Variants in PPP2CA observed in about 807,000 individuals in gnomAD.
PPP2CA encodes the protein serine/threonine-protein phosphatase 2A catalytic subunit alpha isoform.
A neutral mutation model predicts 38.8 loss-of-function variants in PPP2CA; 5 were observed. The observed-to-expected ratio is 0.13, with a 90% CI of 0.07 to 0.27. The LOEUF is 0.27. Among genes scored for constraint, PPP2CA ranks in the 10% least tolerant of loss-of-function variants. PPP2CA has a pLI of 1.00. For missense variants in PPP2CA, 88 were observed against 389.7 expected (o/e 0.23, Z 6.52); for synonymous variants, 152 against 134.0 (o/e 1.13, Z -0.93).
rs1310054766 is a variant in PPP2CA at position 134,196,958 on chromosome 5, G to C, written c.*814C>G. 6.6e-6 allele frequency: 1 copy of C among 152,630 alleles called. No individual in the cohort carries two copies. Among genetic ancestry groups the C allele is most frequent in the Non-Finnish European group, 1.5e-5 (1 of 68,034 alleles). 9.5% of individuals were successfully genotyped at this position (152,630 alleles called of 1,614,324 possible). ...TCTGAAGAATGTCAAGGAGTTACCA[G>C]AGAGGTTATGTAGTGCCCTTGATTT... is the stretch of plus-strand genomic sequence containing the variant. On this transcript the variant is annotated 3_prime_UTR_variant, in exon 7 of 7. Coordinates refer to ENST00000481195, the MANE Select transcript of PPP2CA (RefSeq NM_002715.4).
intron 6 of PPP2CA, 122 bp from the exon 7 acceptor site, chr5:134,197,966 AAC>A: frequency 5.2e-6 from 4 of 775,924 alleles, no homozygotes; most frequent in South Asian, 4.5e-5. Context: ...GTCTTAATGT[AAC>A]AGAACCTTAA....
chr5:134,204,662 T>C (rs1251519604), intron 2 of PPP2CA, among the ~76,000 whole-genome samples: 1 of 152,026 alleles, frequency 6.6e-6, no homozygotes, highest in East Asian at 1.9e-4. Context: ...GGGTTTATGT[T>C]GACTACGCTG....
chr5:134,210,617 G>C (rs1166098062), intron 1 of PPP2CA, among the ~76,000 whole-genome samples: 1 of 152,194 alleles, frequency 6.6e-6, no homozygotes, highest in Non-Finnish European at 1.5e-5. Flanking sequence ...GCCAAGGCAG[G>C]TGGATCATTT....
chr5:134,225,108 T>C (rs968686309), intron 1 of PPP2CA, among the ~76,000 whole-genome samples: 3 of 152,202 alleles, frequency 2.0e-5, no homozygotes, highest in Admixed American at 6.5e-5. Flanking sequence ...TTCTTCCAAC[T>C]ATGAAAAATA....
chr5:134,198,990 A>T, intron 6 of PPP2CA, 96 bp downstream of exon 6: 1 of 961,580 alleles, frequency 1.0e-6, no homozygotes, highest in Non-Finnish European at 1.6e-6. Context: ...TCGAGACAAG[A>T]CTGGGCAATA....
In PPP2CA at chr5:134,201,839, TC is replaced by T; in HGVS notation, c.486+8del. ...GAAATAATCAGCAATGAGTTTTAGA[TC>T]CACATACCTGCCCATCCACCAAGGC... On this transcript the variant is annotated splice_region_variant and intron_variant, in intron 3 of 6. Transcript: ENST00000481195. 6.2e-7 allele frequency: 1 copy of T among 1,611,470 alleles called. No homozygotes were observed.
At chr5:134,199,276 G>T in intron 5 of PPP2CA, 72 bp from the exon 6 acceptor site, 1 of 1,162,100 alleles carries the variant, frequency 8.6e-7, no homozygotes, top group East Asian at 2.4e-5. Flanking sequence ...ACTCAAGAGA[G>T]AAAAAAATCT....
At chr5:134,209,253 A>T (rs1206244478) in intron 1 of PPP2CA, among the ~76,000 whole-genome samples, 1 of 144,682 alleles carries the variant, frequency 6.9e-6, no homozygotes, top group Non-Finnish European at 1.5e-5. Flanking sequence ...ATACAGTAGA[A>T]GCAACCATCC....
Position 134,201,840 on chromosome 5 carries a change from C to A in PPP2CA, c.486+8G>T, listed in dbSNP as rs1022646288. On this transcript the variant is annotated splice_region_variant and intron_variant, in intron 3 of 6. Transcript: ENST00000481195. ...AAATAATCAGCAATGAGTTTTAGAT[C>A]CACATACCTGCCCATCCACCAAGGC... 2.5e-6 allele frequency: 4 copies of A among 1,612,226 alleles called. No homozygotes were observed. The highest frequency in any genetic ancestry group is 1.3e-5 in the African/African-American group (1 of 74,950).
Position 134,225,879 on chromosome 5 carries a change from C to T in PPP2CA, c.-18G>A. ...TCGTCCATGATGCCACCCGCCCCAGCCGGCTGCCGCTCCGCGCTGCTCCCG... is the reference window on the plus strand; with the variant it reads ...TCGTCCATGATGCCACCCGCCCCAGTCGGCTGCCGCTCCGCGCTGCTCCCG... On this transcript the variant is annotated 5_prime_UTR_variant, in exon 1 of 7. Coordinates refer to ENST00000481195, the MANE Select transcript of PPP2CA (RefSeq NM_002715.4). 1 of 1,601,246 alleles carries T rather than the reference C, an allele frequency of 6.2e-7. No homozygotes were observed. The highest frequency in any genetic ancestry group is 8.5e-7 in the Non-Finnish European group (1 of 1,177,242).
chr5:134,207,024 GA>G (rs900225684), intron 1 of PPP2CA, among the ~76,000 whole-genome samples: 4 of 152,214 alleles, frequency 2.6e-5, no homozygotes, highest in Middle Eastern at 3.2e-3. Context: ...AATTACCAGA[GA>G]ATTGTTGCTA....
At chr5:134,224,246 T>A in intron 1 of PPP2CA, 1 of 453,112 alleles carries the variant, frequency 2.2e-6, no homozygotes, top group Non-Finnish European at 4.4e-6. Context: ...ACCTTTAAAA[T>A]AAATACCAAC....
At chr5:134,218,293 T>C (rs923482704) in intron 1 of PPP2CA, among the ~76,000 whole-genome samples, 5 of 152,158 alleles carry the variant, frequency 3.3e-5, no homozygotes, top group South Asian at 4.1e-4. Context: ...AAAAGAAAAA[T>C]GTTGGGAATG....
chr5:134,219,971 A>C (rs1277966428), intron 1 of PPP2CA, among the ~76,000 whole-genome samples: 1 of 149,322 alleles, frequency 6.7e-6, no homozygotes, highest in Non-Finnish European at 1.5e-5. Flanking sequence ...AGATCATGCA[A>C]CTGTACTCTG....
intron 1 of PPP2CA, among the ~76,000 whole-genome samples, chr5:134,220,903 T>A (rs1049904858): frequency 6.6e-6 from 1 of 152,210 alleles, no homozygotes; most frequent in African/African-American, 2.4e-5. Flanking sequence ...TACAGCCAAT[T>A]TTCTGAAAAC....
At chr5:134,213,568 T>C (rs1762253925) in intron 1 of PPP2CA, among the ~76,000 whole-genome samples, 1 of 151,934 alleles carries the variant, frequency 6.6e-6, no homozygotes, top group Non-Finnish European at 1.5e-5. Flanking sequence ...GGAGGATTGC[T>C]TGAGCTCAGG....
chr5:134,210,116 A>C (rs944651804), intron 1 of PPP2CA, among the ~76,000 whole-genome samples: 5 of 152,018 alleles, frequency 3.3e-5, no homozygotes, highest in Admixed American at 2.0e-4. Context: ...TCTCAAAAAA[A>C]AAAAACTAAA....
At chr5:134,204,157 C>T (rs373617273) in intron 2 of PPP2CA, among the ~76,000 whole-genome samples, 93 of 152,346 alleles carry the variant, frequency 6.1e-4, no homozygotes, top group African/African-American at 2.2e-3. Flanking sequence ...CACGCTAAAA[C>T]CACATCTCAC....
intron 4 of PPP2CA, 150 bp from the exon 5 acceptor site, chr5:134,200,646 C>T (rs902653572): frequency 1.1e-6 from 1 of 879,906 alleles, no homozygotes; most frequent in Non-Finnish European, 1.7e-6. Context: ...AGTCAAACAT[C>T]TGCATCAAAT....
Sources: allele counts gnomAD v4.1 joint callset (sites outside exome capture counted in the v4.1 genomes callset), GRCh38; gene constraint gnomAD v4.1.1; transcripts MANE v1.5; gene names NCBI Gene and HGNC (gene_info 2026-07-23, HGNC 2026-07-21).